The following MYCBP2 variants were observed in gnomAD, a reference collection of about 807,000 sequenced individuals.
MYCBP2 encodes the protein E3 ubiquitin-protein ligase MYCBP2.
Under a neutral mutation model 525.3 loss-of-function variants are expected in MYCBP2, and 120 were observed. The ratio of observed to expected loss-of-function variants is 0.23; its 90% CI spans 0.20 to 0.27. MYCBP2 has a LOEUF of 0.27. MYCBP2 is among the 10% of genes least tolerant of loss of function. The pLI is 1.00. For missense variants in MYCBP2, 4,149 were observed against 5,657.1 expected (o/e 0.73, Z 8.55); for synonymous variants, 1,894 against 1,955.8 (o/e 0.97, Z 0.83).
intron 39 of MYCBP2, among the ~76,000 whole-genome samples, 164 bp from the exon 40 acceptor site, chr13:77,168,810 T>C (rs1321394552): frequency 6.6e-6 from 1 of 152,242 alleles, no homozygotes; most frequent in East Asian, 1.9e-4. Flanking sequence ...TAAAAAAAGA[T>C]TTATCTTAGA....
In MYCBP2 at chr13:77,050,904, T is replaced by C. The variant is rs2154054713; in HGVS notation, c.13921+93A>G. On this transcript the variant is annotated intron_variant, in intron 82 of 82. Coordinates refer to ENST00000544440, the MANE Select transcript of MYCBP2 (RefSeq NM_015057.5). The stretch of plus-strand genomic sequence containing the variant: ...CTTCTTTAGGCTAGTTTGAATTGAG[T>C]TTCTGTCACTTGAAACAGAGCTTTC... The C allele has an allele frequency of 2.7e-6, 3 of 1,129,238 alleles. No individual in the cohort carries two copies. In the East Asian group the frequency reaches 7.7e-5, roughly 29 times the overall value. 70.0% of individuals were successfully genotyped at this position (1,129,238 alleles called of 1,614,324 possible).
At chr13:77,186,427 T>G (rs572830365) in intron 30 of MYCBP2, among the ~76,000 whole-genome samples, 1 of 152,286 alleles carries the variant, frequency 6.6e-6, no homozygotes, top group South Asian at 2.1e-4. Context: ...GCATGTTTAC[T>G]TGAAAGAAAA....
intron 3 of MYCBP2, among the ~76,000 whole-genome samples, chr13:77,284,139 T>G (rs76770405): frequency 0.03 from 4,526 of 151,622 alleles, 139 homozygotes; most frequent in African/African-American, 0.08. Flanking sequence ...AATTTATTAG[T>G]AACTAAATAA....
intron 39 of MYCBP2, 114 bp downstream of exon 39, chr13:77,169,500 C>T (rs2058923077): frequency 4.0e-6 from 3 of 743,494 alleles, no homozygotes; most frequent in Non-Finnish European, 6.9e-6. Context: ...CTGCTTGTTA[C>T]CTATATCCCA....
At chr13:77,308,200 G>T (rs920150883) in intron 1 of MYCBP2, among the ~76,000 whole-genome samples, 2 of 152,138 alleles carry the variant, frequency 1.3e-5, no homozygotes, top group African/African-American at 4.8e-5. Flanking sequence ...TCAGAGCAGA[G>T]AATCTAACCA....
intron 33 of MYCBP2, 89 bp downstream of exon 33, chr13:77,181,612 G>T: frequency 1.0e-6 from 1 of 971,228 alleles, no homozygotes; most frequent in Non-Finnish European, 1.6e-6. Context: ...TGTGTTTATA[G>T]TTTTATTGCC....
chr13:77,088,174 A>C (rs532331069), intron 61 of MYCBP2, among the ~76,000 whole-genome samples: 1 of 152,178 alleles, frequency 6.6e-6, no homozygotes, highest in Non-Finnish European at 1.5e-5. Flanking sequence ...AACAGGAAAA[A>C]TAATTTATAA....
In MYCBP2 at chr13:77,140,040, C is replaced by G. The variant is rs1314110072; in HGVS notation, c.7518+7G>C. The G allele has an allele frequency of 3.8e-6, 6 of 1,576,858 alleles. No homozygotes were observed. The highest frequency in any genetic ancestry group is 5.2e-6 in the Non-Finnish European group (6 of 1,156,176). ...AATTTACTACCAAAAGCTCCTTTATCAATTACCTCATCAATAAAAGTGATA... is the reference window on the plus strand; with the variant it reads ...AATTTACTACCAAAAGCTCCTTTATGAATTACCTCATCAATAAAAGTGATA... On this transcript the variant is annotated splice_region_variant and intron_variant, in intron 51 of 82. Transcript: ENST00000544440.
Position 77,174,398 on chromosome 13 carries a change from C to T in MYCBP2, c.5564G>A (p.Gly1855Asp), listed in dbSNP as rs760028144. ...GGMTTVQCPD[G>D]VTFTFSTCSL... ...GCACGTGCTGAATGTGAATGTCACA[C>T]CATCAGGGCACTGAACTGTGGTCAT... The change falls in exon 37 of 83, where the codon GGT becomes GAT. Residue 1855 changes from glycine to aspartate, a missense_variant. Gly to Asp is a moderately conservative substitution (Grantham distance 94). This residue lies in a region of MYCBP2 where 109 missense variants were observed against 118.9 expected (regional missense o/e 0.92). Coordinates refer to ENST00000544440, the MANE Select transcript of MYCBP2 (RefSeq NM_015057.5). 6.2e-7 allele frequency: 1 copy of T among 1,614,058 alleles called. No homozygotes were observed. Among genetic ancestry groups the T allele is most frequent in the African/African-American group, 1.3e-5 (1 of 74,936 alleles).
chr13:77,091,365 T>C (rs528070764), intron 59 of MYCBP2, among the ~76,000 whole-genome samples: 8 of 152,070 alleles, frequency 5.3e-5, no homozygotes, highest in African/African-American at 1.9e-4. Context: ...ATTTGTTCTG[T>C]TTTCAGAGGA....
At chr13:77,122,787 A>G (rs933920902) in intron 54 of MYCBP2, among the ~76,000 whole-genome samples, 1 of 152,136 alleles carries the variant, frequency 6.6e-6, no homozygotes, top group African/African-American at 2.4e-5. Flanking sequence ...GTAAATTGCA[A>G]TTCTGCTAAA....
At position 77,210,957 on chromosome 13, in the gene MYCBP2, A is replaced by T. The variant is rs9318469; in HGVS notation, c.3416+210T>A. On this transcript the variant is annotated intron_variant, in intron 23 of 82. Transcript: ENST00000544440. ...AGAAAGCAAGTTGTGGAGCTGGGAT[A>T]AACCTAGGTAGTGTTGCTTAAAATG... Among the ~76,000 whole-genome samples the T allele has an allele frequency of 0.16, 25,028 of 152,160 alleles. 2,352 individuals carry two copies. The highest frequency in any genetic ancestry group is 0.4 in the South Asian group (1,933 of 4,814).
chr13:77,186,409 A>G (rs2060719787), intron 30 of MYCBP2, among the ~76,000 whole-genome samples: 1 of 152,214 alleles, frequency 6.6e-6, no homozygotes, highest in South Asian at 2.1e-4. Context: ...AAGCACTTAT[A>G]AAACAATGCA....
rs2082356472 is a variant in MYCBP2, at chr13:77,326,676, G to C, written c.100C>G (p.Pro34Ala). The C allele has an allele frequency of 2.1e-6, 3 of 1,462,580 alleles. No homozygotes were observed. The highest frequency in any genetic ancestry group is 9.0e-7 in the Non-Finnish European group (1 of 1,113,930). 90.6% of individuals were successfully genotyped at this position (1,462,580 alleles called of 1,614,324 possible). A position where few individuals can be genotyped will look rare whatever the true frequency, so the allele number is the denominator to read the frequency against. Residue 34 changes from proline to alanine, a missense_variant, in exon 1 of 83, where the codon CCG becomes GCG. Pro to Ala is a conservative substitution (Grantham distance 27). This residue lies in a region of MYCBP2 where 413 missense variants were observed against 451.2 expected (regional missense o/e 0.92). Transcript: ENST00000544440. The surrounding 1 kb of genome is among the most constrained non-coding windows in gnomAD (Gnocchi z 4.2). ...PAATFSSSPA[P>A]GALFMPVPDG... ...GGAACCGGCATGAACAGCGCCCCCG[G>C]CGCCGGGGAGGAAGAGAAGGTGGCG...
In MYCBP2 at chr13:77,232,729, T is replaced by C. The variant is rs370279729; in HGVS notation, c.2737+427A>G. Among the ~76,000 whole-genome samples the C allele has an allele frequency of 4.8e-4, 73 of 152,324 alleles. No homozygotes were observed. In the South Asian group the frequency reaches 0.01, roughly 21 times the overall value. ...GTGGAAAAGTGTAATGGCAGTCTTA[T>C]TATCATCATTTAATATACTGAATTT... On this transcript the variant is annotated intron_variant, in intron 18 of 82. Transcript: ENST00000544440.
intron 59 of MYCBP2, among the ~76,000 whole-genome samples, chr13:77,091,284 C>T (rs2045375528): frequency 6.6e-6 from 1 of 151,928 alleles, no homozygotes; most frequent in Non-Finnish European, 1.5e-5. Context: ...TGCTTGGTTC[C>T]AGAATGACTA....
At chr13:77,129,090 C>T (rs143197906) in intron 52 of MYCBP2, 364 of 396,118 alleles carry the variant, frequency 9.2e-4, no homozygotes, top group African/African-American at 6.6e-3. Flanking sequence ...GTTTTAAAGA[C>T]ACAAAATTTG....
intron 15 of MYCBP2, 90 bp from the exon 16 acceptor site, chr13:77,244,041 T>C (rs1466434565): frequency 9.5e-6 from 13 of 1,366,318 alleles, no homozygotes; most frequent in Non-Finnish European, 1.2e-5. Flanking sequence ...ATTTTCCACA[T>C]TTTTGAAATT....
intron 62 of MYCBP2, among the ~76,000 whole-genome samples, chr13:77,086,179 G>T (rs924169257): frequency 1.3e-5 from 2 of 151,802 alleles, no homozygotes; most frequent in Admixed American, 1.3e-4. Context: ...TTCTGGAAAT[G>T]TCTTTGGTCT....
Sources: gnomAD v4.1 joint callset for allele counts (sites outside exome capture counted in the v4.1 genomes callset) on GRCh38, gnomAD v4.1.1 for gene constraint, gnomAD v4.1.1 regional missense constraint, Gnocchi (gnomAD v3.1) non-coding constraint, MANE v1.5 for transcripts, NCBI Gene and HGNC (gene_info 2026-07-23, HGNC 2026-07-21) for gene names.